Variants in VNN2 observed in about 807,000 individuals in gnomAD.
VNN2 encodes the protein pantetheine hydrolase VNN2.
In VNN2, 43 loss-of-function variants were observed where a neutral mutation model predicts 43.0. That is an observed-to-expected ratio of 1.00 (90% CI 0.78 to 1.29). The LOEUF (loss-of-function observed/expected upper bound fraction) is 1.29. Ranked by LOEUF, VNN2 falls within the 50% of genes most tolerant of loss-of-function variation. VNN2 has a pLI of 0.00. For synonymous variants in VNN2, 230 were observed against 224.3 expected, an observed-to-expected ratio of 1.03 and a Z score of -0.23; for missense variants, 652 against 619.7, an observed-to-expected ratio of 1.05 and a Z score of -0.55.
intron 3 of VNN2, among the ~76,000 whole-genome samples, chr6:132,755,160 C>A (rs1045884872): frequency 5.9e-5 from 9 of 152,040 alleles, no homozygotes; most frequent in Non-Finnish European, 1.3e-4. Context: ...AACAGTGAGA[C>A]CCTGTCTCTA....
At position 132,749,840 on chromosome 6, in the gene VNN2, G is replaced by C; in HGVS notation, c.1226C>G (p.Thr409Ser). The change falls in exon 6 of 7, where the codon ACT becomes AGT. Residue 409 changes from threonine (T) to serine (S), a missense_variant. Thr to Ser is a moderately conservative substitution (Grantham distance 58). Transcript: ENST00000326499. ...WQVCTLLKCK[T>S]TNLTTCGRPV... is the part of the protein sequence containing the mutation. ...CCGTCCACAAGTTGTCAAATTAGTA[G>C]TTTTGCACTTCAGCAGTGTGCAGAC... The C allele has an allele frequency of 6.2e-7, 1 of 1,614,024 alleles. No individual in the cohort carries two copies.
chr6:132,757,434 G>A lies in VNN2; in HGVS notation c.326C>T (p.Pro109Leu), dbSNP rs149351884. The A allele has an allele frequency of 1.2e-5, 20 of 1,607,940 alleles. No homozygotes were observed. In the Middle Eastern group the frequency reaches 5.0e-4, roughly 40 times the overall value. The change falls in exon 2 of 7, where the codon CCG becomes CTG. Residue 109 changes from proline to leucine, a missense_variant. Pro to Leu is a moderately conservative substitution (Grantham distance 98). Coordinates refer to ENST00000326499, the MANE Select transcript of VNN2 (RefSeq NM_004665.6). ...AAAATACCTGTGGGGGTCTTGACAC[G>A]GAATCCAGTTCACCTGAGGGTCTGG... Reference protein sequence around the residue: ...DIPDPQVNWIPCQDPHRFGHT... With the variant: ...DIPDPQVNWILCQDPHRFGHT...
At chr6:132,747,932 T>A (rs1779817132) in intron 6 of VNN2, among the ~76,000 whole-genome samples, 1 of 152,218 alleles carries the variant, frequency 6.6e-6, no homozygotes, top group African/African-American at 2.4e-5. Flanking sequence ...CATTTTTTTG[T>A]CCTTCTCCCA....
intron 6 of VNN2, among the ~76,000 whole-genome samples, chr6:132,745,297 C>A (rs1025575968): frequency 1.3e-5 from 2 of 152,192 alleles, no homozygotes; most frequent in Non-Finnish European, 2.9e-5. Flanking sequence ...CTCACTGCAA[C>A]CTCCGCCTGC....
chr6:132,758,046 T>TA (rs1562254274), upstream of VNN2: 175 of 453,746 alleles, frequency 3.9e-4, 2 homozygotes, highest in Non-Finnish European at 4.4e-4. Flanking sequence ...CTTCTTTTTT[T>TA]TTTTTTTTTT....
At chr6:132,751,810 T>G (rs182370615) in intron 4 of VNN2, among the ~76,000 whole-genome samples, 17 of 152,352 alleles carry the variant, frequency 1.1e-4, no homozygotes, top group Admixed American at 9.1e-4. Flanking sequence ...CAGGAGTTCC[T>G]GAAAGGTGGG....
intron 6 of VNN2, among the ~76,000 whole-genome samples, chr6:132,747,012 A>G (rs896966606): frequency 2.0e-5 from 3 of 152,114 alleles, no homozygotes; most frequent in Admixed American, 6.5e-5. Context: ...TGGCTCTTTC[A>G]TATCTTTTTT....
intron 3 of VNN2, chr6:132,754,095 G>T (rs1780309911): frequency 6.6e-6 from 1 of 152,132 alleles, no homozygotes; most frequent in African/African-American, 2.4e-5. Flanking sequence ...TAGACAGGGT[G>T]ACTGCAGGTT....
Position 132,755,909 on chromosome 6 carries a change from G to C in VNN2, c.471C>G (p.Gly157=). The change falls in exon 3 of 7, where the codon GGC becomes GGG. Residue 157 remains glycine (G), a synonymous_variant. Transcript: ENST00000326499. ...CCACATTGGTATTGTATTGAAAGTA[G>C]CCATTAGGAGGACATGTGGAGTCAC... ...NSRDSTCPPN[G]YFQYNTNVVY... is the part of the protein sequence containing the mutation. 6.2e-7 allele frequency: 1 copy of C among 1,613,984 alleles called. No individual in the cohort carries two copies.
In VNN2 at chr6:132,744,493, T is replaced by C; in HGVS notation, c.1372-2A>G. 1 of 1,566,516 alleles carries C rather than the reference T, an allele frequency of 6.4e-7. No individual in the cohort carries two copies. The highest frequency in any genetic ancestry group is 8.6e-7 in the Non-Finnish European group (1 of 1,162,042). ...TACCAAACGCCCATCTTTCAGCACC[T>C]AAAGAAAAGGTGGGAAAAGTACAGT... is the stretch of plus-strand genomic sequence containing the variant. On this transcript the variant is annotated splice_acceptor_variant, in intron 6 of 6. Transcript: ENST00000326499. LOFTEE classifies it high-confidence loss of function.
intron 3 of VNN2, among the ~76,000 whole-genome samples, chr6:132,754,121 C>T (rs1780311302): frequency 6.6e-6 from 1 of 152,114 alleles, no homozygotes; most frequent in Non-Finnish European, 1.5e-5. Context: ...CTAGTTTGTC[C>T]ACATTCAGTG....
At chr6:132,762,775 A>G (rs1780767769), upstream of VNN2, among the ~76,000 whole-genome samples, 1 of 152,206 alleles carries the variant, frequency 6.6e-6, no homozygotes, top group Admixed American at 6.5e-5. Flanking sequence ...TGCTAGATGG[A>G]AATGCTTGTG....
At chr6:132,761,534 C>T (rs994624930), upstream of VNN2, among the ~76,000 whole-genome samples, 2 of 152,018 alleles carry the variant, frequency 1.3e-5, no homozygotes, top group Non-Finnish European at 2.9e-5. Flanking sequence ...GTGGCAGACG[C>T]CTGTAATCCC....
At chr6:132,756,168 C>G in intron 2 of VNN2, 133 bp from the exon 3 acceptor site, 1 of 824,924 alleles carries the variant, frequency 1.2e-6, no homozygotes, top group Non-Finnish European at 1.8e-6. Flanking sequence ...AAATATCATA[C>G]TTTAAAAGCC....
intron 2 of VNN2, 91 bp downstream of exon 2, chr6:132,757,325 T>A: frequency 1.4e-6 from 2 of 1,458,274 alleles, no homozygotes. Flanking sequence ...ATACCACATA[T>A]ATGGTAATTC....
chr6:132,762,451 C>T (rs1213150253), upstream of VNN2, among the ~76,000 whole-genome samples: 1 of 152,066 alleles, frequency 6.6e-6, no homozygotes, highest in Non-Finnish European at 1.5e-5. Context: ...TACTGTATAC[C>T]AAAAAAGTAC....
At chr6:132,749,270 C>T (rs918966054) in intron 6 of VNN2, among the ~76,000 whole-genome samples, 7 of 152,260 alleles carry the variant, frequency 4.6e-5, no homozygotes, top group East Asian at 3.9e-4. Context: ...TTTGCAAACA[C>T]GGTGCAAGCA....
Position 132,750,633 on chromosome 6 carries a change from T to C in VNN2, c.1200+512A>G, listed in dbSNP as rs563316561. Among the ~76,000 whole-genome samples the C allele has an allele frequency of 1.2e-4, 16 of 138,918 alleles. No individual in the cohort carries two copies. The South Asian group carries it at 3.4e-3, about 29-fold the overall frequency. The allele number at this position is 138,918 out of a possible 152,430, so 91.1% of individuals were successfully genotyped here. A position where few individuals can be genotyped will look rare whatever the true frequency, so the allele number is the denominator to read the frequency against. On this transcript the variant is annotated intron_variant, in intron 5 of 6. Coordinates refer to ENST00000326499, the MANE Select transcript of VNN2 (RefSeq NM_004665.6). ...GAGCCGAGATCATGCTACTGCACTC[T>C]AGCCAGGGTGACAGAGTGAAATTGT...
chr6:132,757,028 T>G (rs1241138553), intron 2 of VNN2, among the ~76,000 whole-genome samples: 2 of 152,234 alleles, frequency 1.3e-5, no homozygotes, highest in East Asian at 3.8e-4. Flanking sequence ...GAAGTCTTTC[T>G]GCCTAAGAAG....
Sources: gnomAD v4.1 joint callset for allele counts (sites outside exome capture counted in the v4.1 genomes callset) on GRCh38, gnomAD v4.1.1 for gene constraint, MANE v1.5 for transcripts, NCBI Gene and HGNC (gene_info 2026-07-23, HGNC 2026-07-21) for gene names.